Variants in KIT observed in about 807,000 individuals in gnomAD.
KIT encodes the protein mast/stem cell growth factor receptor Kit.
KIT carries 16 observed loss-of-function variants against 105.7 expected under a neutral mutation model. The observed-to-expected ratio is 0.15, with a 90% CI of 0.10 to 0.23. The LOEUF (loss-of-function observed/expected upper bound fraction) is 0.23, where lower values mean the gene tolerates loss of function less well. KIT is among the 10% of genes least tolerant of loss of function. KIT has a pLI of 1.00. For synonymous variants in KIT, 438 were observed against 441.1 expected (o/e 0.99, Z 0.09); for missense variants, 858 against 1,213.8 (o/e 0.71, Z 4.36).
rs559780833 is a variant in KIT at position 54,682,144 on chromosome 4, T to C, written c.68-13368T>C. Reference sequence around the variant, plus strand: ...TCTCTTTGTCTCCCAGGCTGGAGTGTAGTGGCACGATCACAGCTCACTGCA... The same window carrying C: ...TCTCTTTGTCTCCCAGGCTGGAGTGCAGTGGCACGATCACAGCTCACTGCA... On this transcript the variant is annotated intron_variant, in intron 1 of 20. Coordinates refer to ENST00000288135, the MANE Select transcript of KIT (RefSeq NM_000222.3). 6.7e-5 allele frequency among the ~76,000 whole-genome samples: 10 copies of C among 149,742 alleles called. No individual in the cohort carries two copies. In the South Asian group the frequency reaches 1.9e-3, roughly 29 times the overall value.
At chr4:54,718,772 A>T (rs887513730) in intron 7 of KIT, among the ~76,000 whole-genome samples, 1 of 152,242 alleles carries the variant, frequency 6.6e-6, no homozygotes, top group South Asian at 2.1e-4. Context: ...TTGAAGTTTT[A>T]TTTTGTTTGT....
At chr4:54,674,250 T>G (rs1019687646) in intron 1 of KIT, among the ~76,000 whole-genome samples, 1 of 152,214 alleles carries the variant, frequency 6.6e-6, no homozygotes, top group Non-Finnish European at 1.5e-5. Flanking sequence ...GGCTTTGCCT[T>G]GGCTTGCTAA....
intron 3 of KIT, 43 bp from the exon 4 acceptor site, chr4:54,699,587 A>G (rs780571168): frequency 5.0e-6 from 8 of 1,610,464 alleles, no homozygotes; most frequent in South Asian, 3.3e-5. Flanking sequence ...ATTTCATGCT[A>G]TAATACAAAT....
intron 1 of KIT, among the ~76,000 whole-genome samples, chr4:54,668,150 A>G (rs932551850): frequency 1.3e-5 from 2 of 152,186 alleles, no homozygotes; most frequent in East Asian, 3.9e-4. Flanking sequence ...TCTTCCCTGG[A>G]TCCCCCCGAG....
intron 1 of KIT, among the ~76,000 whole-genome samples, chr4:54,662,997 A>G (rs561372163): frequency 4.6e-5 from 7 of 150,786 alleles, no homozygotes; most frequent in Admixed American, 1.3e-4. Flanking sequence ...CAGGGGGGAA[A>G]AAAAAAAACT....
chr4:54,729,744 C>T (rs1352512508), intron 14 of KIT, among the ~76,000 whole-genome samples: 3 of 152,144 alleles, frequency 2.0e-5, no homozygotes, highest in African/African-American at 7.2e-5. Context: ...CAACTGAATG[C>T]ATTCTATATC....
chr4:54,733,280 G>T (rs1166111267), intron 17 of KIT, 88 bp downstream of exon 17: 1 of 1,426,068 alleles, frequency 7.0e-7, no homozygotes. Flanking sequence ...TTTTCATAAT[G>T]TAAATCCTGT....
At chr4:54,719,354 C>T (rs1303294786) in intron 7 of KIT, among the ~76,000 whole-genome samples, 1 of 152,118 alleles carries the variant, frequency 6.6e-6, no homozygotes, top group African/African-American at 2.4e-5. Flanking sequence ...TCATTTTGTT[C>T]TTGCTTTCCA....
intron 1 of KIT, among the ~76,000 whole-genome samples, chr4:54,675,716 A>G (rs751066064): frequency 2.0e-5 from 3 of 152,210 alleles, no homozygotes; most frequent in Non-Finnish European, 4.4e-5. Flanking sequence ...GGTATTTTAC[A>G]GGGCTGTGTG....
intron 7 of KIT, among the ~76,000 whole-genome samples, chr4:54,716,685 G>C (rs745625399): frequency 4.6e-5 from 7 of 152,138 alleles, no homozygotes; most frequent in Non-Finnish European, 7.3e-5. Context: ...AGACATCCAG[G>C]AGCGAGGCGG....
chr4:54,710,740 C>G (rs1721101588), intron 7 of KIT, among the ~76,000 whole-genome samples: 1 of 152,156 alleles, frequency 6.6e-6, no homozygotes, highest in Non-Finnish European at 1.5e-5. Flanking sequence ...TGGGGTTTCA[C>G]CATGTTGGCC....
At chr4:54,687,432 C>T (rs1034955533) in intron 1 of KIT, among the ~76,000 whole-genome samples, 1 of 151,846 alleles carries the variant, frequency 6.6e-6, no homozygotes. Flanking sequence ...CAGAGCAAGA[C>T]CCCATCTCCA....
At chr4:54,724,063 T>A (rs1244572654) in intron 8 of KIT, among the ~76,000 whole-genome samples, 2 of 152,184 alleles carry the variant, frequency 1.3e-5, no homozygotes, top group East Asian at 3.9e-4. Flanking sequence ...ATGAAAAAAT[T>A]ACCTCAGTAG....
intron 7 of KIT, among the ~76,000 whole-genome samples, chr4:54,719,173 A>G (rs1721693269): frequency 6.6e-6 from 1 of 152,164 alleles, no homozygotes; most frequent in Admixed American, 6.5e-5. Flanking sequence ...AATATGGGCA[A>G]ATGTGCATTT....
intron 6 of KIT, 74 bp from the exon 7 acceptor site, chr4:54,709,350 G>A: frequency 1.1e-6 from 1 of 937,642 alleles, no homozygotes; most frequent in Admixed American, 1.7e-5. Context: ...AGATTTCCAG[G>A]TAGAAACTGA....
chr4:54,684,015 C>G (rs970591012), intron 1 of KIT, among the ~76,000 whole-genome samples: 6 of 152,144 alleles, frequency 3.9e-5, no homozygotes, highest in Non-Finnish European at 8.8e-5. Flanking sequence ...AAGGTGGGAT[C>G]GGCACAAATG....
intron 3 of KIT, among the ~76,000 whole-genome samples, 188 bp from the exon 4 acceptor site, chr4:54,699,442 T>G (rs532317172): frequency 1.3e-5 from 2 of 152,284 alleles, no homozygotes; most frequent in East Asian, 3.9e-4. Context: ...CTCAATTTAC[T>G]TGAAGGATGC....
At chr4:54,725,457 C>A (rs571103852) in intron 8 of KIT, among the ~76,000 whole-genome samples, 1 of 152,070 alleles carries the variant, frequency 6.6e-6, no homozygotes, top group Non-Finnish European at 1.5e-5. Flanking sequence ...TTCAACCATT[C>A]GTGTACCCTT....
intron 1 of KIT, among the ~76,000 whole-genome samples, chr4:54,694,464 C>T (rs1183192048): frequency 7.9e-5 from 12 of 152,148 alleles, no homozygotes; most frequent in Non-Finnish European, 1.5e-5. Context: ...TGATCTCCCA[C>T]CTCAGCCTCC....
Sources: gnomAD v4.1 joint callset for allele counts (sites outside exome capture counted in the v4.1 genomes callset) on GRCh38, gnomAD v4.1.1 for gene constraint, MANE v1.5 for transcripts, NCBI Gene and HGNC (gene_info 2026-07-23, HGNC 2026-07-21) for gene names.